The following ADGRD1 variants were observed in gnomAD, a reference collection of about 807,000 sequenced individuals.
ADGRD1 encodes adhesion G protein-coupled receptor D1.
A neutral mutation model predicts 113.4 loss-of-function variants in ADGRD1; 77 were observed. That is an observed-to-expected ratio of 0.68 (90% confidence interval 0.57 to 0.82). The LOEUF (loss-of-function observed/expected upper bound fraction) is 0.82, where lower values mean the gene tolerates loss of function less well. Among genes scored for constraint, ADGRD1 ranks in the 40% least tolerant of loss-of-function variants. The pLI, the probability that ADGRD1 is intolerant of heterozygous loss-of-function variation, is 0.00. For synonymous variants in ADGRD1, 474 were observed against 475.0 expected, an observed-to-expected ratio of 1.00 and a Z score of 0.03; for missense variants, 1,036 against 1,139.1, an observed-to-expected ratio of 0.91 and a Z score of 1.30.
At chr12:131,079,260 C>T (rs765524098) in intron 14 of ADGRD1, among the ~76,000 whole-genome samples, 21 of 152,092 alleles carry the variant, frequency 1.4e-4, no homozygotes, top group Non-Finnish European at 2.8e-4. Context: ...TATCTTCTCC[C>T]GAGTAGAGGA....
rs974193553 is a variant in ADGRD1, at chr12:131,139,473, C to G, written c.*210C>G. Reference sequence around the variant, plus strand: ...TGATGCCCAGGCCAGCGTGGGCCCTCCTGCCTTGCATCCACCCGTGGGCTG... The same window carrying G: ...TGATGCCCAGGCCAGCGTGGGCCCTGCTGCCTTGCATCCACCCGTGGGCTG... On this transcript the variant is annotated 3_prime_UTR_variant, in exon 25 of 25. Transcript: ENST00000261654. The G allele has an allele frequency of 4.3e-5, 24 of 555,932 alleles. No homozygotes were observed. The highest frequency in any genetic ancestry group is 6.2e-5 in the Non-Finnish European group (19 of 307,302). The allele number at this position is 555,932 out of a possible 1,614,324, so 34.4% of individuals were successfully genotyped here.
Position 131,021,683 on chromosome 12 carries a change from C to G in ADGRD1, c.1473+7343C>G, listed in dbSNP as rs552437576. 3.3e-5 allele frequency among the ~76,000 whole-genome samples: 5 copies of G among 152,224 alleles called. No individual in the cohort carries two copies. The South Asian group carries it at 1.0e-3, about 32-fold the overall frequency. ...TCCCTATGTCCTCACATGGTCGTCC[C>G]TCGTGCGTGTCTGTGTCCTGATCTT... On this transcript the variant is annotated intron_variant, in intron 13 of 24. Coordinates refer to ENST00000261654, the MANE Select transcript of ADGRD1 (RefSeq NM_198827.5).
chr12:131,106,981 T>G (rs532053614), intron 17 of ADGRD1, among the ~76,000 whole-genome samples: 1 of 152,350 alleles, frequency 6.6e-6, no homozygotes, highest in South Asian at 2.1e-4. Context: ...CAGGTGATGC[T>G]GACGCTGCCT....
chr12:131,019,374 C>T (rs910737868), intron 13 of ADGRD1, among the ~76,000 whole-genome samples: 3 of 152,214 alleles, frequency 2.0e-5, no homozygotes, highest in Non-Finnish European at 2.9e-5. Context: ...GCTACCCACA[C>T]ACCACCCTGG....
intron 6 of ADGRD1, 187 bp from the exon 7 acceptor site, chr12:130,990,827 C>G (rs748854785): frequency 1.1e-5 from 6 of 526,366 alleles, no homozygotes; most frequent in Non-Finnish European, 2.0e-5. Context: ...CTGGGAAAAT[C>G]TATACGGTCG....
chr12:131,087,427 C>A (rs556883036), intron 15 of ADGRD1, among the ~76,000 whole-genome samples: 212 of 152,324 alleles, frequency 1.4e-3, no homozygotes, highest in African/African-American at 4.1e-3. Context: ...CCGGCAGCCT[C>A]CTCAGTAGCT....
chr12:131,039,376 C>T (rs1157565358), intron 13 of ADGRD1, among the ~76,000 whole-genome samples: 2 of 152,244 alleles, frequency 1.3e-5, no homozygotes, highest in Non-Finnish European at 2.9e-5. Flanking sequence ...GCCAGCTCAG[C>T]CTGAGAGGAG....
At chr12:130,991,872 G>C (rs1225265042) in intron 7 of ADGRD1, among the ~76,000 whole-genome samples, 1 of 152,074 alleles carries the variant, frequency 6.6e-6, no homozygotes, top group Non-Finnish European at 1.5e-5. Flanking sequence ...TGTAATCCCA[G>C]CAATTTGGGA....
At chr12:131,134,513 G>A (rs972774082) in intron 21 of ADGRD1, among the ~76,000 whole-genome samples, 8 of 152,202 alleles carry the variant, frequency 5.3e-5, no homozygotes, top group Non-Finnish European at 1.0e-4. Context: ...CGGTTTCCCG[G>A]GACCTAAAGA....
chr12:131,092,352 C>T (rs1480670893), intron 15 of ADGRD1, among the ~76,000 whole-genome samples: 2 of 152,190 alleles, frequency 1.3e-5, no homozygotes, highest in Non-Finnish European at 2.9e-5. Context: ...TTCAGCTGCA[C>T]CTACTCCTGG....
At chr12:131,016,352 G>A (rs1878571761) in intron 13 of ADGRD1, among the ~76,000 whole-genome samples, 1 of 152,264 alleles carries the variant, frequency 6.6e-6, no homozygotes, top group Non-Finnish European at 1.5e-5. Context: ...GACGCTTGCT[G>A]AGTGAGTGCT....
intron 13 of ADGRD1, among the ~76,000 whole-genome samples, chr12:131,071,095 C>G: frequency 7.3e-6 from 1 of 137,068 alleles, no homozygotes; most frequent in Non-Finnish European, 1.6e-5. Context: ...GAGGTGGAGC[C>G]ATGTACAAGG....
In ADGRD1 at chr12:130,954,170, T is replaced by G; in HGVS notation, c.-296T>G. On this transcript the variant is annotated 5_prime_UTR_variant, in exon 1 of 25. Transcript: ENST00000261654. This position sits in a 1 kb window ranked among gnomAD's most constrained non-coding sequence, Gnocchi z 4.7. Reference sequence around the variant, plus strand: ...TCGCGGTCACAGTGGTGACCTGGGATTGCTTTCCCAGGACTGCGAGTCGGG... The same window carrying G: ...TCGCGGTCACAGTGGTGACCTGGGAGTGCTTTCCCAGGACTGCGAGTCGGG... 1 of 353,374 alleles carries G rather than the reference T, an allele frequency of 2.8e-6. No individual in the cohort carries two copies. Among genetic ancestry groups the G allele is most frequent in the Non-Finnish European group, 5.0e-6 (1 of 199,146 alleles). The allele number at this position is 353,374 out of a possible 1,614,324, so 21.9% of individuals were successfully genotyped here.
chr12:131,014,986 AG>A (rs1212881941), intron 13 of ADGRD1, among the ~76,000 whole-genome samples: 5 of 152,272 alleles, frequency 3.3e-5, no homozygotes, highest in Admixed American at 3.3e-4. Context: ...TCCCCACGCC[AG>A]GTTCATGTCA....
At chr12:131,070,871 G>T (rs761435001) in intron 13 of ADGRD1, 4 of 519,054 alleles carry the variant, frequency 7.7e-6, no homozygotes, top group Middle Eastern at 6.4e-4. Flanking sequence ...GTGTCTGCAC[G>T]GGACGTCCTG....
At chr12:131,088,677 G>A (rs4759539) in intron 15 of ADGRD1, among the ~76,000 whole-genome samples, 117,311 of 152,094 alleles carry the variant, frequency 0.77, 47,561 homozygotes, top group East Asian at 0.91. Flanking sequence ...GGCAGGAGGC[G>A]GGGAGCAGGA....
At chr12:131,097,821 G>A (rs1331142468) in intron 15 of ADGRD1, among the ~76,000 whole-genome samples, 1 of 152,224 alleles carries the variant, frequency 6.6e-6, no homozygotes, top group East Asian at 1.9e-4. Flanking sequence ...GTGTGGGGGT[G>A]GAGTGTGGAC....
rs559572671 is a variant in ADGRD1 at position 131,038,234 on chromosome 12, G to A, written c.1473+23894G>A. Among the ~76,000 whole-genome samples, 42 of 152,350 alleles carry A rather than the reference G, an allele frequency of 2.8e-4. No individual in the cohort carries two copies. The East Asian group carries it at 8.1e-3, about 29-fold the overall frequency. ...GGGGTTCAGATGACCCAGCAGTCTG[G>A]AAGCCCTGGACTTCCCCCATCCACA... On this transcript the variant is annotated intron_variant, in intron 13 of 24. Transcript: ENST00000261654.
chr12:131,016,470 T>C (rs1195921), intron 13 of ADGRD1, among the ~76,000 whole-genome samples: 112,032 of 152,274 alleles, frequency 0.74, 41,531 homozygotes, highest in East Asian at 0.84. Flanking sequence ...TCTGCCGTGA[T>C]GTCAGTGAGG....
Sources: gnomAD v4.1 joint callset for allele counts (sites outside exome capture counted in the v4.1 genomes callset) on GRCh38, gnomAD v4.1.1 for gene constraint, Gnocchi (gnomAD v3.1) non-coding constraint, MANE v1.5 for transcripts, NCBI Gene and HGNC (gene_info 2026-07-23, HGNC 2026-07-21) for gene names.